SV2C: variants seen among roughly 807,000 people sequenced by gnomAD.
SV2C encodes the protein synaptic vesicle glycoprotein 2C.
SV2C carries 49 observed loss-of-function variants against 79.7 expected under a neutral mutation model. The ratio of observed to expected loss-of-function variants is 0.61; its 90% CI spans 0.49 to 0.78. The LOEUF is 0.78. SV2C is among the 30% of genes least tolerant of loss of function. The pLI, the probability that SV2C is intolerant of heterozygous loss-of-function variation, is 0.00. For synonymous variants in SV2C, 334 were observed against 333.2 expected, an observed-to-expected ratio of 1.00 and a Z score of -0.03; for missense variants, 833 against 912.9, an observed-to-expected ratio of 0.91 and a Z score of 1.13.
the SV2C span, among the ~76,000 whole-genome samples, chr5:75,930,733 A>G: frequency 7.9e-5 from 12 of 152,362 alleles, no homozygotes; most frequent in South Asian, 8.3e-4. Flanking sequence ...AAATTTGAAA[A>G]TGTGAATAAA....
At chr5:76,142,353 A>G (rs1749280946) in intron 2 of SV2C, among the ~76,000 whole-genome samples, 2 of 152,224 alleles carry the variant, frequency 1.3e-5, no homozygotes, top group African/African-American at 4.8e-5. Flanking sequence ...TAAAAATAGA[A>G]TTTAATGATC....
the SV2C span, among the ~76,000 whole-genome samples, chr5:75,864,278 T>C: frequency 6.6e-6 from 1 of 152,112 alleles, no homozygotes; most frequent in Non-Finnish European, 1.5e-5. Flanking sequence ...ATAAGTTCTA[T>C]GCTTTTCCAA....
At chr5:76,301,075 T>A in intron 11 of SV2C, 143 bp downstream of exon 11, 2 of 923,128 alleles carry the variant, frequency 2.2e-6, no homozygotes, top group East Asian at 2.6e-5. Context: ...TAAATTATAG[T>A]GAAAATTATG....
chr5:76,108,989 CTTTCTT>C (rs1433256281), intron 1 of SV2C, among the ~76,000 whole-genome samples: 3 of 152,158 alleles, frequency 2.0e-5, no homozygotes, highest in African/African-American at 7.2e-5. Flanking sequence ...ATGTGAGTGA[CTTTCTT>C]TTTCTTTTGA....
the SV2C span, among the ~76,000 whole-genome samples, chr5:75,956,512 A>G: frequency 2.0e-5 from 3 of 151,728 alleles, no homozygotes; most frequent in African/African-American, 2.4e-5. Flanking sequence ...TAACCTGCAC[A>G]TTGTGCACAT....
intron 1 of SV2C, among the ~76,000 whole-genome samples, chr5:76,105,231 C>T (rs1264127495): frequency 6.6e-6 from 1 of 152,166 alleles, no homozygotes; most frequent in African/African-American, 2.4e-5. Flanking sequence ...GATTCCTCCT[C>T]AAAGCCTCCA....
At chr5:76,290,874 TA>T (rs1299378348) in intron 6 of SV2C, among the ~76,000 whole-genome samples, 1 of 152,242 alleles carries the variant, frequency 6.6e-6, no homozygotes, top group Non-Finnish European at 1.5e-5. Context: ...CCAAGCTAAA[TA>T]ATTCTTAATC....
At chr5:76,351,271 C>T (rs1057356520) in intron 12 of SV2C, among the ~76,000 whole-genome samples, 3 of 151,976 alleles carry the variant, frequency 2.0e-5, no homozygotes, top group Admixed American at 6.6e-5. Flanking sequence ...CATAGTGAGA[C>T]CTTGTCTCTA....
At chr5:76,155,524 C>T (rs900172447) in intron 2 of SV2C, among the ~76,000 whole-genome samples, 2 of 152,190 alleles carry the variant, frequency 1.3e-5, no homozygotes, top group Non-Finnish European at 2.9e-5. Flanking sequence ...ATCTTGCCCT[C>T]AGCAACCTGT....
intron 2 of SV2C, among the ~76,000 whole-genome samples, chr5:76,158,925 C>T (rs34531180): frequency 0.1 from 15,188 of 151,942 alleles, 913 homozygotes; most frequent in Non-Finnish European, 0.13. Context: ...AATCCAGAAA[C>T]GTATGAAAAG....
At chr5:76,034,833 C>T in the SV2C span, among the ~76,000 whole-genome samples, 89 of 152,278 alleles carry the variant, frequency 5.8e-4, no homozygotes, top group African/African-American at 1.9e-3. Flanking sequence ...GGTACCAGTT[C>T]CTCCATGTAC....
the SV2C span, among the ~76,000 whole-genome samples, chr5:75,974,351 A>T: frequency 6.6e-6 from 1 of 152,150 alleles, no homozygotes; most frequent in Non-Finnish European, 1.5e-5. Flanking sequence ...TCTAAAATAT[A>T]TGAGAACACA....
the SV2C span, among the ~76,000 whole-genome samples, chr5:76,036,690 T>C: frequency 4.6e-5 from 7 of 152,336 alleles, no homozygotes; most frequent in East Asian, 1.3e-3. Context: ...TTTTCCTTCA[T>C]TTCAACTTTG....
rs1748979377 is a variant in SV2C, at chr5:76,325,868, G to C, written c.*321G>C. 1 of 229,962 alleles carries C rather than the reference G, an allele frequency of 4.3e-6. No homozygotes were observed. Among genetic ancestry groups the C allele is most frequent in the Non-Finnish European group, 8.4e-6 (1 of 118,982 alleles). 14.2% of individuals were successfully genotyped at this position (229,962 alleles called of 1,614,324 possible). On this transcript the variant is annotated 3_prime_UTR_variant, in exon 13 of 13. Transcript: ENST00000502798. Reference sequence around the variant, plus strand: ...TGGGGTTCTGCTCATTGAAAGTTTAGAAGCTAAGAAGACTGGGCTGGTGTA... The same window carrying C: ...TGGGGTTCTGCTCATTGAAAGTTTACAAGCTAAGAAGACTGGGCTGGTGTA...
At chr5:76,114,719 TG>T (rs759806253) in intron 1 of SV2C, among the ~76,000 whole-genome samples, 2 of 152,174 alleles carry the variant, frequency 1.3e-5, no homozygotes, top group Non-Finnish European at 2.9e-5. Flanking sequence ...ACACTGGGGG[TG>T]AGCCTTTTCT....
At chr5:76,079,251 T>C, upstream of SV2C, 1 of 325,466 alleles carries the variant, frequency 3.1e-6, no homozygotes, top group South Asian at 3.8e-5. Flanking sequence ...AAAGAGGTAC[T>C]GCTTCTCAGA....
the SV2C span, among the ~76,000 whole-genome samples, chr5:75,877,367 GAAC>G: frequency 1.3e-5 from 2 of 151,954 alleles, no homozygotes. Flanking sequence ...GTAGTAGACA[GAAC>G]AAGATAGAAG....
At chr5:75,965,404 T>G in the SV2C span, among the ~76,000 whole-genome samples, 1 of 152,182 alleles carries the variant, frequency 6.6e-6, no homozygotes, top group African/African-American at 2.4e-5. Context: ...ATTAGGTCAT[T>G]AGGGCGAGTC....
intron 1 of SV2C, among the ~76,000 whole-genome samples, chr5:76,098,612 G>A (rs1747639586): frequency 6.6e-6 from 1 of 152,220 alleles, no homozygotes; most frequent in Admixed American, 6.5e-5. Flanking sequence ...TAATAATCAT[G>A]CCTGCCTTTT....
Sources: gnomAD v4.1 joint callset for allele counts (sites outside exome capture counted in the v4.1 genomes callset) on GRCh38, gnomAD v4.1.1 for gene constraint, MANE v1.5 for transcripts, NCBI Gene and HGNC (gene_info 2026-07-23, HGNC 2026-07-21) for gene names.